Variants in ASAP1 observed in about 807,000 individuals in gnomAD.
ASAP1 encodes the protein ArfGAP with SH3 domain, ankyrin repeat and PH domain 1, also known as arf-GAP with SH3 domain, ANK repeat and PH domain-containing protein 1.
A neutral mutation model predicts 145.2 loss-of-function variants in ASAP1; 43 were observed. The observed-to-expected ratio is 0.30, with a 90% CI of 0.23 to 0.38. The LOEUF (loss-of-function observed/expected upper bound fraction) is 0.38. ASAP1 is among the 10% of genes least tolerant of loss of function. The pLI is 1.00. For synonymous variants in ASAP1, 546 were observed against 515.5 expected, an observed-to-expected ratio of 1.06 and a Z score of -0.80; for missense variants, 1,018 against 1,355.3, an observed-to-expected ratio of 0.75 and a Z score of 3.91.
At chr8:130,365,734 C>T (rs1004323815) in intron 2 of ASAP1, among the ~76,000 whole-genome samples, 1 of 152,014 alleles carries the variant, frequency 6.6e-6, no homozygotes, top group African/African-American at 2.4e-5. Context: ...TACCTAAGAC[C>T]AGGGAGGGTT....
chr8:130,359,724 C>T (rs1030266723), intron 2 of ASAP1, among the ~76,000 whole-genome samples: 2 of 151,914 alleles, frequency 1.3e-5, no homozygotes, highest in African/African-American at 4.8e-5. Context: ...CCCGGGTTCA[C>T]GCCATTCTCC....
At chr8:130,145,075 T>C (rs150078818) in intron 13 of ASAP1, among the ~76,000 whole-genome samples, 371 of 152,316 alleles carry the variant, frequency 2.4e-3, no homozygotes, top group African/African-American at 8.7e-3. Context: ...CTGCACCCAA[T>C]GAATGTGCTA....
intron 4 of ASAP1, among the ~76,000 whole-genome samples, chr8:130,218,415 A>C (rs916796973): frequency 6.6e-6 from 1 of 152,166 alleles, no homozygotes; most frequent in African/African-American, 2.4e-5. Flanking sequence ...AATATTAAAG[A>C]ATGATTCCCT....
intron 3 of ASAP1, among the ~76,000 whole-genome samples, chr8:130,345,776 A>G (rs1825669802): frequency 6.6e-6 from 1 of 152,226 alleles, no homozygotes; most frequent in African/African-American, 2.4e-5. Flanking sequence ...GTTGAAGACT[A>G]GCCTGGGCAA....
rs2097458539 is a variant in ASAP1 at position 130,074,774 on chromosome 8, G to A, written c.2701+1574C>T. On this transcript the variant is annotated intron_variant, in intron 27 of 29. Coordinates refer to ENST00000518721, the MANE Select transcript of ASAP1 (RefSeq NM_018482.4). The stretch of plus-strand genomic sequence containing the variant: ...CTAAGGAGAGGAGAGACAGTGTAGG[G>A]GAGTGGGCTGAAAGGTTGCGGTGCT... Among the ~76,000 whole-genome samples, 4 of 152,322 alleles carry A rather than the reference G, an allele frequency of 2.6e-5. No homozygotes were observed. In the South Asian group the frequency reaches 8.3e-4, roughly 32 times the overall value.
chr8:130,325,569 G>A (rs1335068087), intron 3 of ASAP1, among the ~76,000 whole-genome samples: 2 of 152,232 alleles, frequency 1.3e-5, no homozygotes, highest in Non-Finnish European at 2.9e-5. Context: ...CAGCTATTGT[G>A]CTGAGGAAGG....
At chr8:130,133,683 ACAAAC>A (rs2097587154) in intron 15 of ASAP1, among the ~76,000 whole-genome samples, 1 of 147,358 alleles carries the variant, frequency 6.8e-6, no homozygotes, top group Non-Finnish European at 1.5e-5. Context: ...AAACAAACAA[ACAAAC>A]AAAAAAAAAA....
rs1465009327 is a variant in ASAP1 at position 130,060,868 on chromosome 8, A to G, written c.2903T>C (p.Leu968Pro). Residue 968 changes from leucine to proline, a missense_variant, in exon 28 of 30, where the codon CTG (leucine) becomes CCG (proline). Leu to Pro is a moderately conservative substitution (Grantham distance 98). This residue lies in a region of ASAP1 where 139 missense variants were observed against 131.0 expected (regional missense o/e 1.06). Transcript: ENST00000518721. ...TTGGGGTTTGGGTGGCAGGTCCCCC[A>G]GCTGTGGTTTGGGGGGCAGTTCTCC... ...KPGELPPKPQ[L>P]GDLPPKPQLS... is the part of the protein sequence containing the mutation. The G allele has an allele frequency of 1.2e-6, 2 of 1,613,754 alleles. No individual in the cohort carries two copies. Among genetic ancestry groups the G allele is most frequent in the Non-Finnish European group, 1.7e-6 (2 of 1,179,928 alleles).
At chr8:130,302,059 GGAGA>G (rs1822706805) in intron 3 of ASAP1, among the ~76,000 whole-genome samples, 1 of 152,200 alleles carries the variant, frequency 6.6e-6, no homozygotes, top group Non-Finnish European at 1.5e-5. Context: ...CATTCCAAAA[GGAGA>G]GAAAGACAGG....
At chr8:130,364,586 G>A (rs1826864801) in intron 2 of ASAP1, among the ~76,000 whole-genome samples, 1 of 152,132 alleles carries the variant, frequency 6.6e-6, no homozygotes, top group Non-Finnish European at 1.5e-5. Context: ...TTTTTCTGTT[G>A]GGGTATATGT....
intron 3 of ASAP1, among the ~76,000 whole-genome samples, chr8:130,354,908 C>T (rs935035100): frequency 3.9e-5 from 6 of 152,148 alleles, no homozygotes; most frequent in African/African-American, 1.4e-4. Flanking sequence ...ATTTTTGAGA[C>T]GTAGCCTCAC....
intron 1 of ASAP1, among the ~76,000 whole-genome samples, chr8:130,428,457 C>T (rs1294084794): frequency 5.4e-5 from 1 of 18,582 alleles, no homozygotes; most frequent in Non-Finnish European, 1.1e-4. Context: ...ATCATTATCA[C>T]CATCATCATC....
At chr8:130,276,728 A>ACACACACACACACACTCTCTCTCTCT (rs548512902) in intron 3 of ASAP1, among the ~76,000 whole-genome samples, 3 of 87,314 alleles carry the variant, frequency 3.4e-5, no homozygotes, top group East Asian at 4.9e-4. Flanking sequence ...ACACACACAC[A>ACACACACACACACACTCTCTCTCTCT]CTCTCTCTCT....
rs369698061 is a variant in ASAP1, at chr8:130,124,766, T to C, written c.1516-662A>G. ...TTTGAGGGAAAAAGTCTTGGGTTTA[T>C]TGCATGGCAAACGTTTAGGATTTGG... On this transcript the variant is annotated intron_variant, in intron 17 of 29. Transcript: ENST00000518721. Among the ~76,000 whole-genome samples, 8 of 152,318 alleles carry C rather than the reference T, an allele frequency of 5.3e-5. No homozygotes were observed. The East Asian group carries it at 1.3e-3, about 26-fold the overall frequency.
chr8:130,072,841 A>AGGGGGG, intron 27 of ASAP1, among the ~76,000 whole-genome samples: 2 of 15,232 alleles, frequency 1.3e-4, no homozygotes, highest in African/African-American at 6.6e-4. Flanking sequence ...GGGGGGGGGC[A>AGGGGGG]GTTTTGGGGA....
At chr8:130,099,475 C>T (rs1403159311) in intron 24 of ASAP1, among the ~76,000 whole-genome samples, 4 of 152,002 alleles carry the variant, frequency 2.6e-5, no homozygotes, top group East Asian at 1.9e-4. Flanking sequence ...CCACTGCGCC[C>T]GGCCAGGCCC....
intron 27 of ASAP1, among the ~76,000 whole-genome samples, chr8:130,066,182 C>A (rs1018765041): frequency 6.6e-6 from 1 of 152,160 alleles, no homozygotes; most frequent in Non-Finnish European, 1.5e-5. Context: ...TCTCCCCTTG[C>A]CCATATACCA....
Position 130,159,857 on chromosome 8 carries a change from T to C in ASAP1, c.1010+7A>G, listed in dbSNP as rs778042129. On this transcript the variant is annotated splice_region_variant and intron_variant, in intron 12 of 29. Coordinates refer to ENST00000518721, the MANE Select transcript of ASAP1 (RefSeq NM_018482.4). Reference sequence around the variant, plus strand: ...ACACTGAGACACTGGGCTGGGCTCATACATACCCGTCACTTTTCTTTAGCA... The same window carrying C: ...ACACTGAGACACTGGGCTGGGCTCACACATACCCGTCACTTTTCTTTAGCA... 22 of 1,609,790 alleles carry C rather than the reference T, an allele frequency of 1.4e-5. No homozygotes were observed. Among genetic ancestry groups the C allele is most frequent in the South Asian group, 5.5e-5 (5 of 90,996 alleles).
At chr8:130,070,227 C>A (rs139702752) in intron 27 of ASAP1, among the ~76,000 whole-genome samples, 1 of 152,058 alleles carries the variant, frequency 6.6e-6, no homozygotes, top group African/African-American at 2.4e-5. Flanking sequence ...TTAGTAGAGA[C>A]GGGGTTTCAC....
Sources: allele counts gnomAD v4.1 joint callset (sites outside exome capture counted in the v4.1 genomes callset), GRCh38; gene constraint gnomAD v4.1.1; regional missense constraint gnomAD v4.1.1; transcripts MANE v1.5; gene names NCBI Gene and HGNC (gene_info 2026-07-23, HGNC 2026-07-21).